VPS26A: variants seen among roughly 807,000 people sequenced by gnomAD.
The protein encoded by VPS26A is vacuolar protein sorting-associated protein 26A.
In VPS26A, 22 loss-of-function variants were observed where a neutral mutation model predicts 42.4. That is an observed-to-expected ratio of 0.52 (90% confidence interval 0.37 to 0.74). The LOEUF (loss-of-function observed/expected upper bound fraction) is 0.74, where lower values mean the gene tolerates loss of function less well. Among genes scored for constraint, VPS26A ranks in the 30% least tolerant of loss-of-function variants. The probability of loss-of-function intolerance (pLI) is 0.00; values close to 1 mark genes in which losing one functional copy is unlikely to be tolerated. For missense variants in VPS26A, 276 were observed against 379.2 expected, an observed-to-expected ratio of 0.73 and a Z score of 2.26; for synonymous variants, 110 against 123.5, an observed-to-expected ratio of 0.89 and a Z score of 0.73.
At chr10:69,142,086 T>C (rs995694822) in intron 2 of VPS26A, among the ~76,000 whole-genome samples, 2 of 151,950 alleles carry the variant, frequency 1.3e-5, no homozygotes, top group African/African-American at 4.8e-5. Flanking sequence ...GGTTTCACCA[T>C]GTTGGCCAGG....
At chr10:69,125,666 C>G (rs1472710763) in intron 1 of VPS26A, among the ~76,000 whole-genome samples, 1 of 152,092 alleles carries the variant, frequency 6.6e-6, no homozygotes, top group East Asian at 1.9e-4. Flanking sequence ...TCAAGTTACC[C>G]AAACAGAAAC....
chr10:69,132,221 A>C (rs1840795767), intron 1 of VPS26A, among the ~76,000 whole-genome samples: 1 of 152,178 alleles, frequency 6.6e-6, no homozygotes. Flanking sequence ...AAATAAAGGT[A>C]ATTTTTCAAG....
chr10:69,131,732 C>CAA (rs141395294), intron 1 of VPS26A, among the ~76,000 whole-genome samples: 1 of 147,526 alleles, frequency 6.8e-6, no homozygotes, highest in African/African-American at 2.5e-5. Context: ...GACTCTGTCT[C>CAA]AAAAAAAAAA....
At chr10:69,131,702 C>T (rs1383371370) in intron 1 of VPS26A, among the ~76,000 whole-genome samples, 2 of 151,972 alleles carry the variant, frequency 1.3e-5, no homozygotes, top group Non-Finnish European at 2.9e-5. Context: ...CACTGCCCTT[C>T]AGCCTGGGCA....
In VPS26A at chr10:69,133,117, T is replaced by C. The variant is rs947931860; in HGVS notation, c.153+70T>C. ...AATTAGTTATCAAAGTGGTCTGTGC[T>C]GTTTCTTAAATTTGAATAATTTTAT... On this transcript the variant is annotated intron_variant, in intron 2 of 8. Transcript: ENST00000263559. The C allele has an allele frequency of 2.5e-5, 37 of 1,483,886 alleles. No individual in the cohort carries two copies. In the African/African-American group the frequency reaches 3.8e-4, roughly 15 times the overall value. 91.9% of individuals were successfully genotyped at this position (1,483,886 alleles called of 1,614,324 possible). A position where few individuals can be genotyped will look rare whatever the true frequency, so the allele number is the denominator to read the frequency against.
rs545839548 is a variant in VPS26A at position 69,135,871 on chromosome 10, C to T, written c.153+2824C>T. Among the ~76,000 whole-genome samples, 37 of 152,164 alleles carry T rather than the reference C, an allele frequency of 2.4e-4. 2 individuals carry two copies. Among genetic ancestry groups the T allele is most frequent in the African/African-American group, 8.4e-4 (35 of 41,522 alleles). Reference sequence around the variant, plus strand: ...ATCCAAGTCAAGAAGTAGTACTTTGCCAGCTACCCCATGTGTCCTGTCTCC... The same window carrying T: ...ATCCAAGTCAAGAAGTAGTACTTTGTCAGCTACCCCATGTGTCCTGTCTCC... On this transcript the variant is annotated intron_variant, in intron 2 of 8. Coordinates refer to ENST00000263559, the MANE Select transcript of VPS26A (RefSeq NM_004896.5).
rs1303309822 is a variant in VPS26A, at chr10:69,155,875, G to A, written c.217G>A (p.Val73Ile). Residue 73 changes from valine (V) to isoleucine (I), a missense_variant, in exon 3 of 9, where the codon GTA (valine) becomes ATA (isoleucine). Coordinates refer to ENST00000263559, the MANE Select transcript of VPS26A (RefSeq NM_004896.5). Reference sequence around the variant, plus strand: ...ACACCAAGGAATTAGAATTGAATTTGTAGGTCAAATTGGTGAGTTTTAAAA... The same window carrying A: ...ACACCAAGGAATTAGAATTGAATTTATAGGTCAAATTGGTGAGTTTTAAAA... Reference protein sequence around the residue: ...LEHQGIRIEFVGQIELFNDKS... With the variant: ...LEHQGIRIEFIGQIELFNDKS... 8 of 1,611,004 alleles carry A rather than the reference G, an allele frequency of 5.0e-6. No homozygotes were observed. Among genetic ancestry groups the A allele is most frequent in the African/African-American group, 1.3e-5 (1 of 74,822 alleles).
At chr10:69,167,691 C>T (rs1030285216) in intron 7 of VPS26A, among the ~76,000 whole-genome samples, 3 of 146,118 alleles carry the variant, frequency 2.1e-5, no homozygotes, top group Admixed American at 6.9e-5. Context: ...TGCACTGACC[C>T]GAGATCGCAC....
intron 2 of VPS26A, among the ~76,000 whole-genome samples, chr10:69,147,808 G>GTT (rs1841196625): frequency 6.6e-6 from 1 of 152,142 alleles, no homozygotes; most frequent in Non-Finnish European, 1.5e-5. Flanking sequence ...CACCTTCTGG[G>GTT]CTCAAGTGAT....
In VPS26A at chr10:69,171,255, C is replaced by T. The variant is rs1415251215; in HGVS notation, c.970C>T (p.Gln324Ter). 2 of 1,613,508 alleles carry T rather than the reference C, an allele frequency of 1.2e-6. No homozygotes were observed. Among genetic ancestry groups the T allele is most frequent in the Non-Finnish European group, 8.5e-7 (1 of 1,179,832 alleles). ...ESPESQASAE[Q>*]PEM Reference sequence around the variant, plus strand: ...TCCAGAATCACAGGCATCTGCCGAACAGCCTGAAATGTGAACTGAACAGGA... The same window carrying T: ...TCCAGAATCACAGGCATCTGCCGAATAGCCTGAAATGTGAACTGAACAGGA... Residue 324 changes from glutamine (Q) to a stop codon, truncating the protein, a stop_gained, in exon 9 of 9, where the codon CAG becomes TAG. Transcript: ENST00000263559. LOFTEE classifies it high-confidence loss of function.
intron 1 of VPS26A, among the ~76,000 whole-genome samples, chr10:69,129,297 A>G (rs4572029): frequency 0.17 from 25,661 of 152,126 alleles, 2,666 homozygotes; most frequent in Middle Eastern, 0.31. Flanking sequence ...GCTGCTATAC[A>G]TTCTCATTTC....
chr10:69,163,247 G>A (rs571858727), intron 6 of VPS26A, among the ~76,000 whole-genome samples: 3 of 152,294 alleles, frequency 2.0e-5, no homozygotes, highest in East Asian at 3.9e-4. Flanking sequence ...AATCTTAGAA[G>A]TGGAATTCAT....
At chr10:69,170,997 A>C (rs937489132) in intron 8 of VPS26A, among the ~76,000 whole-genome samples, 159 bp from the exon 9 acceptor site, 11 of 152,206 alleles carry the variant, frequency 7.2e-5, no homozygotes, top group Non-Finnish European at 1.5e-4. Context: ...GGGGCAGTCA[A>C]GATTAGAGCT....
intron 2 of VPS26A, among the ~76,000 whole-genome samples, chr10:69,149,039 A>G (rs1189398873): frequency 6.6e-6 from 1 of 151,870 alleles, no homozygotes; most frequent in Non-Finnish European, 1.5e-5. Flanking sequence ...TACCAGTGTG[A>G]GCCACCGCGC....
chr10:69,162,091 A>C (rs1208135722), intron 5 of VPS26A, among the ~76,000 whole-genome samples: 1 of 149,922 alleles, frequency 6.7e-6, no homozygotes, highest in East Asian at 1.9e-4. Context: ...TGCTGGGTTC[A>C]GGCAGTCCTC....
At chr10:69,163,634 G>A (rs1436401639) in intron 6 of VPS26A, among the ~76,000 whole-genome samples, 1 of 151,998 alleles carries the variant, frequency 6.6e-6, no homozygotes, top group Non-Finnish European at 1.5e-5. Context: ...TTCCCCCACT[G>A]CTTTATTGAG....
At chr10:69,134,669 T>A (rs1032753781) in intron 2 of VPS26A, among the ~76,000 whole-genome samples, 7 of 151,996 alleles carry the variant, frequency 4.6e-5, no homozygotes, top group Admixed American at 2.0e-4. Flanking sequence ...TGAGGTTATT[T>A]TTTTTTTTTG....
rs35198720 is a variant in VPS26A at position 69,173,845 on chromosome 10, G to A, written c.*2576G>A. On this transcript the variant is annotated 3_prime_UTR_variant, in exon 9 of 9. Transcript: ENST00000263559. Reference sequence around the variant, plus strand: ...GAGAAACTCCATCTCTACCAAAAATGCATTAGTCGGGCGTGGTGGCACATG... The same window carrying A: ...GAGAAACTCCATCTCTACCAAAAATACATTAGTCGGGCGTGGTGGCACATG... Among the ~76,000 whole-genome samples, 33,756 of 152,072 alleles carry A rather than the reference G, an allele frequency of 0.22. 4,029 individuals are homozygous for A. The highest frequency in any genetic ancestry group is 0.25 in the African/African-American group (10,241 of 41,482).
At chr10:69,148,040 T>C (rs1241648138) in intron 2 of VPS26A, among the ~76,000 whole-genome samples, 1 of 152,222 alleles carries the variant, frequency 6.6e-6, no homozygotes, top group Non-Finnish European at 1.5e-5. Context: ...ATGAAAACTT[T>C]GTCAAACTCT....
Sources: allele counts gnomAD v4.1 joint callset (sites outside exome capture counted in the v4.1 genomes callset), GRCh38; gene constraint gnomAD v4.1.1; transcripts MANE v1.5; gene names NCBI Gene and HGNC (gene_info 2026-07-23, HGNC 2026-07-21).